Variants in DLEU7 observed in about 807,000 individuals in gnomAD.
DLEU7 encodes the protein leukemia-associated protein 7.
Under a neutral mutation model 16.0 loss-of-function variants are expected in DLEU7, and 17 were observed. The observed-to-expected ratio is 1.06, with a 90% confidence interval of 0.73 to 1.59. DLEU7 has a LOEUF of 1.59. Among genes scored for constraint, DLEU7 ranks in the 40% most tolerant of loss-of-function variants. The pLI, the probability that DLEU7 is intolerant of heterozygous loss-of-function variation, is 0.00. For synonymous variants in DLEU7, 113 were observed against 139.8 expected (o/e 0.81, Z 1.35); for missense variants, 308 against 314.9 (o/e 0.98, Z 0.17).
chr13:50,789,512 A>C (rs1252065776), intron 1 of DLEU7, among the ~76,000 whole-genome samples: 3 of 151,292 alleles, frequency 2.0e-5, no homozygotes, highest in Non-Finnish European at 4.4e-5. Context: ...TTATTTAAAT[A>C]TGTATATATG....
intron 1 of DLEU7, among the ~76,000 whole-genome samples, chr13:50,722,373 C>T (rs548909953): frequency 1.3e-5 from 2 of 152,324 alleles, no homozygotes; most frequent in Admixed American, 1.3e-4. Context: ...CTCTATTACA[C>T]TATACCCTTT....
At chr13:50,752,153 G>A (rs1348973644) in intron 1 of DLEU7, among the ~76,000 whole-genome samples, 1 of 151,412 alleles carries the variant, frequency 6.6e-6, no homozygotes, top group Admixed American at 6.6e-5. Context: ...CCAGGTTCAG[G>A]CCATTCTCCT....
intron 1 of DLEU7, chr13:50,840,135 C>T (rs1316921077): frequency 6.6e-6 from 1 of 152,138 alleles, no homozygotes; most frequent in African/African-American, 2.4e-5. Flanking sequence ...TGGGGAGGTT[C>T]CCACGTACTT....
chr13:50,732,625 A>AAAAAAAAAAAACAAC, intron 1 of DLEU7, among the ~76,000 whole-genome samples: 1 of 151,442 alleles, frequency 6.6e-6, no homozygotes, highest in Admixed American at 6.6e-5. Context: ...AAAAAAAAAA[A>AAAAAAAAAAAACAAC]AGCTTATGTG....
chr13:50,713,325 T>C (rs1257450447), intron 1 of DLEU7: 7 of 1,503,622 alleles, frequency 4.7e-6, no homozygotes, highest in Admixed American at 1.9e-5. Context: ...CTGAGCACTA[T>C]ATTGCATTTT....
downstream of DLEU7, among the ~76,000 whole-genome samples, chr13:50,820,188 C>T (rs191218157): frequency 9.2e-5 from 14 of 151,818 alleles, no homozygotes; most frequent in East Asian, 2.3e-3. Flanking sequence ...GTTTTGATGG[C>T]GTTGTGGGCA....
intron 1 of DLEU7, among the ~76,000 whole-genome samples, chr13:50,796,316 G>T (rs1033890090): frequency 9.2e-5 from 14 of 152,026 alleles, no homozygotes; most frequent in Non-Finnish European, 1.8e-4. Flanking sequence ...GTAAAATAAG[G>T]GTTATTTGAA....
At chr13:50,739,107 G>T (rs866629080) in intron 1 of DLEU7, among the ~76,000 whole-genome samples, 37 of 152,140 alleles carry the variant, frequency 2.4e-4, no homozygotes, top group Admixed American at 1.0e-3. Context: ...TACCAGGAAT[G>T]CTCTTCCTTT....
At position 50,823,046 on chromosome 13, in the gene DLEU7, G is replaced by T; in HGVS notation, c.*268C>A. On this transcript the variant is annotated 3_prime_UTR_variant, in exon 2 of 2. Coordinates refer to ENST00000504404, the MANE Select transcript of DLEU7 (RefSeq NM_001306135.2). ...AATATATACATACATAATCAAATCA[G>T]CTTCACAAAGTAGAATGTATTTCAA... The T allele has an allele frequency of 6.2e-6, 7 of 1,130,624 alleles. No homozygotes were observed. The highest frequency in any genetic ancestry group is 7.8e-6 in the Non-Finnish European group (7 of 902,660). The allele number at this position is 1,130,624 out of a possible 1,614,324, so 70.0% of individuals were successfully genotyped here. A position where few individuals can be genotyped will look rare whatever the true frequency, so the allele number is the denominator to read the frequency against.
intron 1 of DLEU7, among the ~76,000 whole-genome samples, chr13:50,787,716 C>T (rs1489054217): frequency 1.3e-5 from 2 of 151,946 alleles, no homozygotes; most frequent in Admixed American, 6.6e-5. Context: ...CTGCCCTCCC[C>T]CCCACCTTTA....
intron 1 of DLEU7, chr13:50,713,320 C>CACT: frequency 1.3e-6 from 2 of 1,512,384 alleles, no homozygotes; most frequent in South Asian, 2.4e-5. Context: ...ATTTACTGAG[C>CACT]ACTATATTGC....
intron 1 of DLEU7, among the ~76,000 whole-genome samples, chr13:50,833,227 G>A (rs531985613): frequency 7.9e-5 from 12 of 152,246 alleles, no homozygotes; most frequent in African/African-American, 1.2e-4. Flanking sequence ...GAAATAAAGC[G>A]TATTCAAACA....
chr13:50,843,882 C>T (rs975542357), upstream of DLEU7: 1 of 519,122 alleles, frequency 1.9e-6, no homozygotes, highest in Admixed American at 4.4e-5. This position sits in a 1 kb window ranked among gnomAD's most constrained non-coding sequence, Gnocchi z 5.7. Context: ...TGAAGCGCTG[C>T]TCGGTGTGCA....
At chr13:50,760,414 T>G (rs1247036873) in intron 1 of DLEU7, among the ~76,000 whole-genome samples, 1 of 152,082 alleles carries the variant, frequency 6.6e-6, no homozygotes, top group African/African-American at 2.4e-5. Context: ...CAGGCTGGAG[T>G]TCACTGGCAT....
intron 1 of DLEU7, among the ~76,000 whole-genome samples, chr13:50,759,672 C>T (rs1874868172): frequency 1.3e-5 from 2 of 152,194 alleles, no homozygotes; most frequent in Non-Finnish European, 1.5e-5. Flanking sequence ...CCATTCTTTC[C>T]CAGTGGAAAA....
At chr13:50,801,708 G>A (rs903636704) in intron 1 of DLEU7, among the ~76,000 whole-genome samples, 4 of 152,016 alleles carry the variant, frequency 2.6e-5, no homozygotes, top group Non-Finnish European at 5.9e-5. Flanking sequence ...AGACCTCAGC[G>A]CGCCCTTGTA....
intron 1 of DLEU7, chr13:50,807,889 C>T (rs1349628756): frequency 6.6e-6 from 1 of 152,150 alleles, no homozygotes; most frequent in African/African-American, 2.4e-5. Context: ...GGCATAAGGA[C>T]TGACCAGTGG....
intron 1 of DLEU7, among the ~76,000 whole-genome samples, chr13:50,790,572 C>T (rs1875927206): frequency 6.6e-6 from 1 of 152,066 alleles, no homozygotes; most frequent in South Asian, 2.1e-4. Flanking sequence ...TCCTCGGTCT[C>T]TCACACACAC....
chr13:50,785,239 G>A (rs1311087860), intron 1 of DLEU7, among the ~76,000 whole-genome samples: 3 of 152,142 alleles, frequency 2.0e-5, no homozygotes, highest in Admixed American at 6.5e-5. Context: ...GGATGCACCC[G>A]GAATCAGGAA....
Sources: gnomAD v4.1 joint callset for allele counts (sites outside exome capture counted in the v4.1 genomes callset) on GRCh38, gnomAD v4.1.1 for gene constraint, Gnocchi (gnomAD v3.1) non-coding constraint, MANE v1.5 for transcripts, NCBI Gene and HGNC (gene_info 2026-07-23, HGNC 2026-07-21) for gene names.